CRYM: variants seen among roughly 807,000 people sequenced by gnomAD.
The protein encoded by CRYM is crystallin mu, also known as ketimine reductase mu-crystallin.
In CRYM, 18 loss-of-function variants were observed where a neutral mutation model predicts 32.9. The ratio of observed to expected loss-of-function variants is 0.55; its 90% CI spans 0.38 to 0.81. The LOEUF (loss-of-function observed/expected upper bound fraction) is 0.81, where lower values mean the gene tolerates loss of function less well. Among genes scored for constraint, CRYM ranks in the 30% least tolerant of loss-of-function variants. The probability of loss-of-function intolerance (pLI) is 0.00; values close to 1 mark genes in which losing one functional copy is unlikely to be tolerated. For synonymous variants in CRYM, 153 were observed against 152.4 expected, an observed-to-expected ratio of 1.00 and a Z score of -0.03; for missense variants, 337 against 393.5, an observed-to-expected ratio of 0.86 and a Z score of 1.21.
intron 5 of CRYM, among the ~76,000 whole-genome samples, chr16:21,262,868 G>A (rs1436155880): frequency 6.6e-6 from 1 of 152,022 alleles, no homozygotes; most frequent in Non-Finnish European, 1.5e-5. Context: ...GGATCTGATG[G>A]GTGAATCCAG....
At chr16:21,267,106 T>C (rs1893774808) in intron 5 of CRYM, among the ~76,000 whole-genome samples, 1 of 152,210 alleles carries the variant, frequency 6.6e-6, no homozygotes, top group Non-Finnish European at 1.5e-5. Context: ...ATATTGTTTG[T>C]TTGTTTTTTA....
rs1222639627 is a variant in CRYM at position 21,263,561 on chromosome 16, A to AC, written c.674-1404_674-1403insG. The stretch of plus-strand genomic sequence containing the variant: ...TCTCTTAACTCATGACAAAAGAAAA[A>AC]AAACAACAACAACAAAAACTCAGTG... On this transcript the variant is annotated intron_variant, in intron 5 of 7. Transcript: ENST00000572914. 2.0e-5 allele frequency among the ~76,000 whole-genome samples: 3 copies of AC among 152,274 alleles called. No homozygotes were observed. In the East Asian group the frequency reaches 5.8e-4, roughly 29 times the overall value.
upstream of CRYM, chr16:21,278,947 C>G (rs1223457861): frequency 6.6e-6 from 1 of 152,094 alleles, no homozygotes; most frequent in Non-Finnish European, 1.5e-5. Context: ...ATCTTTTCTT[C>G]CAGGAGTTTT....
At chr16:21,290,693 T>G (rs1474031888) in intron 1 of CRYM, among the ~76,000 whole-genome samples, 1 of 152,240 alleles carries the variant, frequency 6.6e-6, no homozygotes. Context: ...ACATGTTTCT[T>G]ATTTACTCAT....
chr16:21,298,390 G>A (rs1427750229), intron 1 of CRYM, among the ~76,000 whole-genome samples: 1 of 152,046 alleles, frequency 6.6e-6, no homozygotes, highest in East Asian at 1.9e-4. Flanking sequence ...AAAACAACCC[G>A]CATGTCTCTA....
At chr16:21,271,768 C>T (rs2093375795) in intron 3 of CRYM, among the ~76,000 whole-genome samples, 1 of 152,140 alleles carries the variant, frequency 6.6e-6, no homozygotes, top group African/African-American at 2.4e-5. Context: ...ATAAAAATAA[C>T]CTTCAACTTC....
rs778235878 is a variant in CRYM at position 21,278,289 on chromosome 16, G to A, written c.-38C>T. 1.3e-6 allele frequency: 2 copies of A among 1,560,488 alleles called. No homozygotes were observed. Among genetic ancestry groups the A allele is most frequent in the East Asian group, 4.8e-5 (2 of 41,982 alleles). Reference sequence around the variant, plus strand: ...GCCTTCTAACCTCAGTCTCCGCACCGCGATCCACGTACCCTCGGCTGTGCC... The same window carrying A: ...GCCTTCTAACCTCAGTCTCCGCACCACGATCCACGTACCCTCGGCTGTGCC... On this transcript the variant is annotated 5_prime_UTR_variant, in exon 1 of 8. Coordinates refer to ENST00000572914, the MANE Select transcript of CRYM (RefSeq NM_001376256.1).
intron 1 of CRYM, among the ~76,000 whole-genome samples, chr16:21,294,951 T>G (rs981541930): frequency 6.6e-6 from 1 of 152,056 alleles, no homozygotes; most frequent in African/African-American, 2.4e-5. Flanking sequence ...CACCTCAGCC[T>G]CCCAAAGTGC....
intron 5 of CRYM, among the ~76,000 whole-genome samples, chr16:21,266,471 G>A (rs1393298033): frequency 1.3e-5 from 2 of 151,900 alleles, no homozygotes; most frequent in Non-Finnish European, 2.9e-5. Context: ...TAACACCCAG[G>A]GCCATCTGAA....
intron 7 of CRYM, 125 bp downstream of exon 7, chr16:21,261,129 T>C (rs1447297551): frequency 3.8e-6 from 3 of 792,602 alleles, no homozygotes; most frequent in East Asian, 2.6e-5. Flanking sequence ...ATGTAAATAA[T>C]TGACCTGAAT....
At chr16:21,301,251 A>AGCCC in intron 1 of CRYM, 1 of 152,502 alleles carries the variant, frequency 6.6e-6, no homozygotes, top group South Asian at 2.1e-4. Flanking sequence ...GGGAGAGAGA[A>AGCCC]GCCCGCGAGA....
At chr16:21,263,274 G>A (rs926812294) in intron 5 of CRYM, among the ~76,000 whole-genome samples, 16 of 152,084 alleles carry the variant, frequency 1.1e-4, no homozygotes, top group Non-Finnish European at 2.1e-4. Flanking sequence ...GGTAGCACAC[G>A]CCTGTAATCC....
intron 3 of CRYM, among the ~76,000 whole-genome samples, chr16:21,271,165 A>C (rs1242233776): frequency 2.0e-5 from 3 of 152,168 alleles, no homozygotes; most frequent in Admixed American, 2.0e-4. Flanking sequence ...GTGCAACAGT[A>C]TCTCTGGTTT....
intron 1 of CRYM, among the ~76,000 whole-genome samples, chr16:21,284,280 C>CT (rs1254178927): frequency 1.3e-5 from 2 of 152,146 alleles, no homozygotes; most frequent in Non-Finnish European, 2.9e-5. Context: ...ATTTTATCCA[C>CT]TTCATCGGGC....
intron 4 of CRYM, among the ~76,000 whole-genome samples, chr16:21,269,287 C>T (rs796705953): frequency 1.2e-4 from 18 of 152,062 alleles, no homozygotes; most frequent in African/African-American, 3.9e-4. Context: ...CATACACACA[C>T]ATAAAATAAC....
chr16:21,288,977 A>G (rs1191351774), intron 1 of CRYM, among the ~76,000 whole-genome samples: 1 of 152,034 alleles, frequency 6.6e-6, no homozygotes, highest in Non-Finnish European at 1.5e-5. Context: ...TCAGTTTTTT[A>G]TAATTTATTA....
intron 1 of CRYM, chr16:21,300,446 T>C (rs185971534): frequency 2.1e-4 from 31 of 150,928 alleles, no homozygotes; most frequent in South Asian, 8.3e-4. Context: ...CAAGTCTTCC[T>C]GACCTTTGCT....
chr16:21,258,755 C>G lies in CRYM; in HGVS notation c.*26G>C. On this transcript the variant is annotated 3_prime_UTR_variant, in exon 8 of 8. Transcript: ENST00000572914. Reference sequence around the variant, plus strand: ...ACCAGCAGCAATATTCCTCAAGCATCCATCTCAACATCAAGTTCCTTTGTT... The same window carrying G: ...ACCAGCAGCAATATTCCTCAAGCATGCATCTCAACATCAAGTTCCTTTGTT... 3 of 1,596,218 alleles carry G rather than the reference C, an allele frequency of 1.9e-6. No individual in the cohort carries two copies. Among genetic ancestry groups the G allele is most frequent in the Non-Finnish European group, 2.6e-6 (3 of 1,163,842 alleles).
chr16:21,296,973 A>T (rs531406659), intron 1 of CRYM, among the ~76,000 whole-genome samples: 1 of 151,918 alleles, frequency 6.6e-6, no homozygotes, highest in South Asian at 2.1e-4. Flanking sequence ...CGCGCCACCG[A>T]CTCCAGCCTG....
Sources: allele counts gnomAD v4.1 joint callset (sites outside exome capture counted in the v4.1 genomes callset), GRCh38; gene constraint gnomAD v4.1.1; transcripts MANE v1.5; gene names NCBI Gene and HGNC (gene_info 2026-07-23, HGNC 2026-07-21).